TPD52L2: variants seen among roughly 807,000 people sequenced by gnomAD.
TPD52L2 encodes the protein TPD52 like 2.
Under a neutral mutation model 24.7 loss-of-function variants are expected in TPD52L2, and 19 were observed. The ratio of observed to expected loss-of-function variants is 0.77; its 90% CI spans 0.54 to 1.13. The LOEUF (loss-of-function observed/expected upper bound fraction) is 1.13. Among genes scored for constraint, TPD52L2 ranks in the 50% most tolerant of loss-of-function variants. The probability of loss-of-function intolerance (pLI) is 0.00; values close to 1 mark genes in which losing one functional copy is unlikely to be tolerated. For synonymous variants in TPD52L2, 104 were observed against 100.2 expected (o/e 1.04, Z -0.23); for missense variants, 236 against 250.4 (o/e 0.94, Z 0.39).
In TPD52L2 at chr20:63,873,750, T is replaced by A. The variant is rs764025763; in HGVS notation, c.248T>A (p.Leu83His). ...GGAGAGCTCAAGAGGAGGCTGGGCCTCTCCACCCTGGGGGAGCTGAAACAG... is the reference window on the plus strand; with the variant it reads ...GGAGAGCTCAAGAGGAGGCTGGGCCACTCCACCCTGGGGGAGCTGAAACAG... ...HCGELKRRLG[L>H]STLGELKQNL... Residue 83 changes from leucine to histidine, a missense_variant, in exon 3 of 7, where the codon CTC (leucine) becomes CAC (histidine). Coordinates refer to ENST00000346249, the MANE Select transcript of TPD52L2 (RefSeq NM_003288.4). The A allele has an allele frequency of 6.2e-7, 1 of 1,604,540 alleles. No homozygotes were observed. Among genetic ancestry groups the A allele is most frequent in the South Asian group, 1.1e-5 (1 of 89,502 alleles).
At chr20:63,889,340 G>A (rs2146254791) in intron 6 of TPD52L2, 102 bp downstream of exon 6, 8 of 1,063,860 alleles carry the variant, frequency 7.5e-6, no homozygotes, top group Non-Finnish European at 1.1e-5. Flanking sequence ...ACATACAGTT[G>A]TGGGAAGTAA....
intron 4 of TPD52L2, among the ~76,000 whole-genome samples, chr20:63,879,272 A>G (rs1420402288): frequency 6.6e-6 from 1 of 152,106 alleles, no homozygotes; most frequent in Non-Finnish European, 1.5e-5. Flanking sequence ...CACCCGAGCA[A>G]TGCTGAGGGC....
In TPD52L2 at chr20:63,865,333, C is replaced by T. The variant is rs1340503771; in HGVS notation, c.-33C>T. On this transcript the variant is annotated 5_prime_UTR_variant, in exon 1 of 7. Coordinates refer to ENST00000346249, the MANE Select transcript of TPD52L2 (RefSeq NM_003288.4). ...GGCGCCGCCCGCTCGGCTCCCATAG[C>T]GCCCGCGACAGCGGTCCGGACGCCG... is the stretch of plus-strand genomic sequence containing the variant. The T allele has an allele frequency of 3.9e-6, 6 of 1,519,888 alleles. No homozygotes were observed. In the Admixed American group the frequency reaches 1.2e-4, roughly 31 times the overall value. The allele number at this position is 1,519,888 out of a possible 1,614,324, so 94.2% of individuals were successfully genotyped here.
At chr20:63,885,912 G>T in intron 5 of TPD52L2, 1 of 1,239,528 alleles carries the variant, frequency 8.1e-7, no homozygotes. Flanking sequence ...GACTGAGCAC[G>T]AGCAGGGGGC....
chr20:63,885,410 G>A (rs983402481), intron 5 of TPD52L2, among the ~76,000 whole-genome samples: 2 of 152,260 alleles, frequency 1.3e-5, no homozygotes, highest in Non-Finnish European at 2.9e-5. Flanking sequence ...CTCCATGTCA[G>A]AGTGGGCCTG....
chr20:63,889,148 C>T, intron 5 of TPD52L2, 42 bp from the exon 6 acceptor site: 1 of 1,580,118 alleles, frequency 6.3e-7, no homozygotes, highest in Non-Finnish European at 8.7e-7. Context: ...GCAGCACAAC[C>T]CTCTCCTCTT....
At chr20:63,872,495 A>G (rs922819751) in intron 2 of TPD52L2, among the ~76,000 whole-genome samples, 2 of 151,518 alleles carry the variant, frequency 1.3e-5, no homozygotes, top group African/African-American at 4.9e-5. Context: ...TTCCTGCCTC[A>G]GCCTCCCGAG....
chr20:63,889,125 C>T, intron 5 of TPD52L2, 65 bp from the exon 6 acceptor site: 3 of 1,471,760 alleles, frequency 2.0e-6, no homozygotes, highest in Non-Finnish European at 2.8e-6. Context: ...TGAGGCCCTT[C>T]CGAGTTAGGA....
intron 1 of TPD52L2, among the ~76,000 whole-genome samples, chr20:63,868,333 T>C (rs1447612334): frequency 2.6e-5 from 4 of 152,226 alleles, no homozygotes; most frequent in African/African-American, 9.6e-5. Context: ...TTGTAGACTT[T>C]TAGGGTAGTC....
chr20:63,891,160 G>C lies in TPD52L2; in HGVS notation c.*1215G>C, dbSNP rs1019982872. On this transcript the variant is annotated 3_prime_UTR_variant, in exon 7 of 7. Transcript: ENST00000346249. This position sits in a 1 kb window ranked among gnomAD's most constrained non-coding sequence, Gnocchi z 4.7. ...TCGCACACCGGGGCCCTGCATGTCA[G>C]ATGGCGTGGTCTGCAGGGGGAGCTC... 1.3e-5 allele frequency: 2 copies of C among 152,894 alleles called. No homozygotes were observed. The highest frequency in any genetic ancestry group is 4.8e-5 in the African/African-American group (2 of 41,468). 9.5% of individuals were successfully genotyped at this position (152,894 alleles called of 1,614,324 possible).
intron 2 of TPD52L2, among the ~76,000 whole-genome samples, chr20:63,872,852 C>T (rs534062302): frequency 2.0e-4 from 31 of 152,176 alleles, no homozygotes; most frequent in Admixed American, 9.2e-4. Context: ...TACAGGTGCC[C>T]GCCACCGTGC....
intron 5 of TPD52L2, chr20:63,887,312 G>C (rs759531627): frequency 1.3e-4 from 81 of 607,730 alleles, no homozygotes; most frequent in Non-Finnish European, 2.1e-4. Context: ...TCTCCTCACA[G>C]CTTCCTATGG....
At chr20:63,869,198 C>A in intron 1 of TPD52L2, 98 bp from the exon 2 acceptor site, 1 of 1,405,178 alleles carries the variant, frequency 7.1e-7, no homozygotes, top group Non-Finnish European at 1.0e-6. Flanking sequence ...AGGGTCTCAC[C>A]CACTCCCACC....
In TPD52L2 at chr20:63,869,375, C is replaced by T. The variant is rs2052378273; in HGVS notation, c.99C>T (p.Ala33=). Residue 33 remains alanine, a synonymous_variant, in exon 2 of 7, where the codon GCC becomes GCT. Coordinates refer to ENST00000346249, the MANE Select transcript of TPD52L2 (RefSeq NM_003288.4). The part of the protein sequence containing the change: ...TDVPVDTGVA[A]RTPAVEGLTE... ...TTCCTGTCGACACAGGTGTGGCTGC[C>T]CGGACTCCTGCTGTTGAGGGTCTGA... is the stretch of plus-strand genomic sequence containing the variant. 2 of 1,614,032 alleles carry T rather than the reference C, an allele frequency of 1.2e-6. No homozygotes were observed. The highest frequency in any genetic ancestry group is 1.7e-5 in the Admixed American group (1 of 59,990).
chr20:63,868,637 C>CT (rs1189217659), intron 1 of TPD52L2, among the ~76,000 whole-genome samples: 1 of 152,102 alleles, frequency 6.6e-6, no homozygotes, highest in Non-Finnish European at 1.5e-5. Context: ...TATTAGGTTC[C>CT]TTTTTTTAAA....
At chr20:63,868,261 C>A (rs899504378) in intron 1 of TPD52L2, among the ~76,000 whole-genome samples, 2 of 152,184 alleles carry the variant, frequency 1.3e-5, no homozygotes, top group Admixed American at 6.5e-5. Flanking sequence ...GAAAGTGTTA[C>A]AATAGTCATG....
intron 5 of TPD52L2, chr20:63,887,877 G>C (rs1230459251): frequency 1.8e-5 from 10 of 540,986 alleles, no homozygotes; most frequent in Non-Finnish European, 3.3e-5. Context: ...GACCCTGGCT[G>C]CCTGCAGTGG....
At chr20:63,883,828 GCCTGCCTGCCTGCCTC>G (rs1161030862) in intron 5 of TPD52L2, among the ~76,000 whole-genome samples, 4 of 80,702 alleles carry the variant, frequency 5.0e-5, no homozygotes, top group South Asian at 3.7e-4. Flanking sequence ...CTGCCTGCCT[GCCTGCCTGCCTGCCTC>G]CCTGCCTGCC....
chr20:63,882,881 G>C, intron 5 of TPD52L2, 61 bp downstream of exon 5: 1 of 1,373,750 alleles, frequency 7.3e-7, no homozygotes, highest in Admixed American at 2.0e-5. Flanking sequence ...TGAGGTGTTG[G>C]AGGTGCTACA....
Sources: allele counts gnomAD v4.1 joint callset (sites outside exome capture counted in the v4.1 genomes callset), GRCh38; gene constraint gnomAD v4.1.1; non-coding constraint Gnocchi (gnomAD v3.1); transcripts MANE v1.5; gene names NCBI Gene and HGNC (gene_info 2026-07-23, HGNC 2026-07-21).